Variants in CDH11 observed in about 807,000 individuals in gnomAD.
CDH11 encodes the protein cadherin 11.
A neutral mutation model predicts 67.8 loss-of-function variants in CDH11; 11 were observed. That is an observed-to-expected ratio of 0.16 (90% CI 0.10 to 0.27). CDH11 has a LOEUF of 0.27. Among genes scored for constraint, CDH11 ranks in the 10% least tolerant of loss-of-function variants. CDH11 has a pLI of 1.00. For missense variants in CDH11, 847 were observed against 1,031.2 expected (o/e 0.82, Z 2.45); for synonymous variants, 419 against 400.0 (o/e 1.05, Z -0.57).
chr16:65,076,358 A>C (rs940808225), intron 1 of CDH11, among the ~76,000 whole-genome samples: 1 of 152,092 alleles, frequency 6.6e-6, no homozygotes, highest in African/African-American at 2.4e-5. Flanking sequence ...AAACAAAAAC[A>C]AAAACAAAAA....
At chr16:65,119,409 G>A (rs2075289874) in intron 1 of CDH11, among the ~76,000 whole-genome samples, 1 of 152,214 alleles carries the variant, frequency 6.6e-6, no homozygotes, top group Middle Eastern at 3.4e-3. Context: ...ACAAAAGATT[G>A]CATCTTAATT....
intron 11 of CDH11, among the ~76,000 whole-genome samples, chr16:64,968,216 A>G (rs1342094759): frequency 1.3e-5 from 2 of 152,170 alleles, no homozygotes; most frequent in Non-Finnish European, 1.5e-5. Flanking sequence ...TTATCTGAAA[A>G]TTGGATAAAA....
chr16:65,080,233 A>G (rs2074585999), intron 1 of CDH11, among the ~76,000 whole-genome samples: 1 of 151,404 alleles, frequency 6.6e-6, no homozygotes, highest in Admixed American at 6.6e-5. Context: ...TTCAACCCCT[A>G]CTACTGGGCT....
At chr16:65,039,900 G>A (rs1253421454) in intron 2 of CDH11, among the ~76,000 whole-genome samples, 1 of 152,130 alleles carries the variant, frequency 6.6e-6, no homozygotes, top group Admixed American at 6.6e-5. Flanking sequence ...GTGGGCGAAG[G>A]ATATGAACAG....
chr16:64,946,655 AAGC>A lies in CDH11; in HGVS notation c.*945_*947del, dbSNP rs1186687691. 1.0e-6 allele frequency: 1 copy of A among 997,180 alleles called. No homozygotes were observed. Among genetic ancestry groups the A allele is most frequent in the Non-Finnish European group, 1.2e-6 (1 of 827,366 alleles). The allele number at this position is 997,180 out of a possible 1,614,324, so 61.8% of individuals were successfully genotyped here. ...ATATTTGATTTTAAATAAACAATAA[AAGC>A]AGCAGACAGACAACAACAGATCATA... On this transcript the variant is annotated 3_prime_UTR_variant, in exon 13 of 13. Coordinates refer to ENST00000268603, the MANE Select transcript of CDH11 (RefSeq NM_001797.4).
In CDH11 at chr16:64,946,660, G is replaced by A. The variant is rs1042996956; in HGVS notation, c.*943C>T. On this transcript the variant is annotated 3_prime_UTR_variant, in exon 13 of 13. Coordinates refer to ENST00000268603, the MANE Select transcript of CDH11 (RefSeq NM_001797.4). ...TGATTTTAAATAAACAATAAAAGCAGCAGACAGACAACAACAGATCATAAA... is the reference window on the plus strand; with the variant it reads ...TGATTTTAAATAAACAATAAAAGCAACAGACAGACAACAACAGATCATAAA... 6.1e-6 allele frequency: 6 copies of A among 987,034 alleles called. No homozygotes were observed. Among genetic ancestry groups the A allele is most frequent in the Middle Eastern group, 4.7e-4 (1 of 2,110 alleles). 61.1% of individuals were successfully genotyped at this position (987,034 alleles called of 1,614,324 possible).
At chr16:65,061,938 G>A (rs1385314482) in intron 1 of CDH11, among the ~76,000 whole-genome samples, 1 of 152,160 alleles carries the variant, frequency 6.6e-6, no homozygotes, top group Non-Finnish European at 1.5e-5. Flanking sequence ...CTAGGAAATT[G>A]GAGCACAAAA....
intron 1 of CDH11, among the ~76,000 whole-genome samples, chr16:65,120,986 G>C (rs2075317900): frequency 6.6e-6 from 1 of 152,200 alleles, no homozygotes. Context: ...CTCCCGGCTC[G>C]CGTTCCGGGG....
intron 11 of CDH11, chr16:64,968,556 G>T: frequency 1.0e-6 from 1 of 985,298 alleles, no homozygotes; most frequent in Non-Finnish European, 1.2e-6. Flanking sequence ...CTGCTGAGTC[G>T]GCTTTGAAGC....
At position 65,037,159 on chromosome 16, in the gene CDH11, C is replaced by A. The variant is rs370737228; in HGVS notation, c.-173+16645G>T. On this transcript the variant is annotated intron_variant, in intron 2 of 12. Transcript: ENST00000268603. The stretch of plus-strand genomic sequence containing the variant: ...CTCCCTGAGAGATCTAAGAAGCTAA[C>A]CTTGGATTTGAAGTTTCAGTTCAAT... Among the ~76,000 whole-genome samples, 40 of 152,244 alleles carry A rather than the reference C, an allele frequency of 2.6e-4. No homozygotes were observed. The East Asian group carries it at 3.1e-3, about 12-fold the overall frequency.
At chr16:65,044,016 C>A (rs1691038133) in intron 2 of CDH11, among the ~76,000 whole-genome samples, 1 of 152,200 alleles carries the variant, frequency 6.6e-6, no homozygotes, top group Middle Eastern at 3.4e-3. Context: ...AAGGTCTCTG[C>A]AGTTTAAAGT....
intron 1 of CDH11, among the ~76,000 whole-genome samples, chr16:65,078,505 T>A (rs2074555145): frequency 6.6e-6 from 1 of 152,152 alleles, no homozygotes; most frequent in Non-Finnish European, 1.5e-5. Context: ...AAAACCATTG[T>A]TTCCCCCATT....
chr16:64,945,522 T>C lies in CDH11; in HGVS notation c.*2081A>G. The C allele has an allele frequency of 9.7e-7, 1 of 1,033,008 alleles. No individual in the cohort carries two copies. The highest frequency in any genetic ancestry group is 6.1e-5 in the East Asian group (1 of 16,424). The allele number at this position is 1,033,008 out of a possible 1,614,324, so 64.0% of individuals were successfully genotyped here. ...ATATTCCTTTTGAGTTATTTCTTCA[T>C]TGCAAATTCAATTGGAGATCTGTGC... On this transcript the variant is annotated 3_prime_UTR_variant, in exon 13 of 13. Coordinates refer to ENST00000268603, the MANE Select transcript of CDH11 (RefSeq NM_001797.4).
intron 3 of CDH11, among the ~76,000 whole-genome samples, chr16:65,003,841 C>T (rs1489663802): frequency 2.0e-5 from 3 of 152,142 alleles, no homozygotes; most frequent in Non-Finnish European, 2.9e-5. Flanking sequence ...AGCATCAGGA[C>T]ATAAGTACAC....
chr16:65,097,494 G>A (rs2074919427), intron 1 of CDH11, among the ~76,000 whole-genome samples: 1 of 152,162 alleles, frequency 6.6e-6, no homozygotes, highest in Non-Finnish European at 1.5e-5. Flanking sequence ...GCTGTCCTGT[G>A]CACTGCAGGA....
chr16:65,007,544 T>C (rs1473791662), intron 2 of CDH11, among the ~76,000 whole-genome samples: 2 of 152,184 alleles, frequency 1.3e-5, no homozygotes, highest in Non-Finnish European at 2.9e-5. Flanking sequence ...ACGGGTTAGA[T>C]GCTAAAATGA....
chr16:64,947,977 T>C lies in CDH11; in HGVS notation c.2017A>G (p.Thr673Ala). 1 of 1,614,172 alleles carries C rather than the reference T, an allele frequency of 6.2e-7. No individual in the cohort carries two copies. The highest frequency in any genetic ancestry group is 1.1e-5 in the South Asian group (1 of 91,084). Residue 673 changes from threonine (T) to alanine (A), a missense_variant, in exon 13 of 13, where the codon ACA becomes GCA. By Grantham distance (58) the Thr-to-Ala change is moderately conservative. Around this residue, in one of 2 missense-constraint regions of CDH11, gnomAD observed 612 missense variants for 678.7 expected, o/e 0.90. Coordinates refer to ENST00000268603, the MANE Select transcript of CDH11 (RefSeq NM_001797.4). The part of the protein sequence containing the change: ...YDDEGGGEED[T>A]EAFDIATLQN... Reference sequence around the variant, plus strand: ...AGGGTGGCAATATCAAAGGCTTCTGTGTCTTCTTCCCCACCCCCTTCATCA... The same window carrying C: ...AGGGTGGCAATATCAAAGGCTTCTGCGTCTTCTTCCCCACCCCCTTCATCA...
intron 2 of CDH11, among the ~76,000 whole-genome samples, chr16:65,022,301 C>T (rs764594730): frequency 1.3e-5 from 2 of 151,964 alleles, no homozygotes; most frequent in Non-Finnish European, 2.9e-5. Flanking sequence ...ATAGCTTTTA[C>T]TTGGAACTCT....
At chr16:64,954,709 A>G (rs1037351512) in intron 11 of CDH11, among the ~76,000 whole-genome samples, 1 of 152,070 alleles carries the variant, frequency 6.6e-6, no homozygotes, top group Non-Finnish European at 1.5e-5. Context: ...TTGTTCCAGG[A>G]CCAATGGGAG....
Sources: gnomAD v4.1 joint callset for allele counts (sites outside exome capture counted in the v4.1 genomes callset) on GRCh38, gnomAD v4.1.1 for gene constraint, gnomAD v4.1.1 regional missense constraint, MANE v1.5 for transcripts, NCBI Gene and HGNC (gene_info 2026-07-23, HGNC 2026-07-21) for gene names.